The following KIF15 variants were observed in gnomAD, a reference collection of about 807,000 sequenced individuals.
The protein encoded by KIF15 is kinesin family member 15, also known as kinesin-like protein KIF15.
KIF15 carries 140 observed loss-of-function variants against 190.6 expected under a neutral mutation model. The observed-to-expected ratio is 0.73, with a 90% CI of 0.64 to 0.84. The LOEUF (loss-of-function observed/expected upper bound fraction) is 0.84. Ranked by LOEUF, KIF15 falls within the 40% of genes least tolerant of loss-of-function variation. The pLI, the probability that KIF15 is intolerant of heterozygous loss-of-function variation, is 0.00. For missense variants in KIF15, 1,372 were observed against 1,584.4 expected, an observed-to-expected ratio of 0.87 and a Z score of 2.28; for synonymous variants, 528 against 551.3, an observed-to-expected ratio of 0.96 and a Z score of 0.59.
chr3:44,823,990 T>C (rs1559567869), intron 20 of KIF15, among the ~76,000 whole-genome samples: 1 of 152,198 alleles, frequency 6.6e-6, no homozygotes, highest in East Asian at 1.9e-4. Context: ...ACGCCCACCC[T>C]GCTTCAGCTT....
At position 44,815,076 on chromosome 3, in the gene KIF15, G is replaced by A; in HGVS notation, c.2549G>A (p.Arg850Lys). 1.3e-6 allele frequency: 2 copies of A among 1,573,262 alleles called. No homozygotes were observed. The highest frequency in any genetic ancestry group is 1.7e-6 in the Non-Finnish European group (2 of 1,162,016). ...GTACAGCTTCAATTAGATAATCTCAGGTAGAGTTGTTCTTTTATGGTTTCA... is the reference window on the plus strand; with the variant it reads ...GTACAGCTTCAATTAGATAATCTCAAGTAGAGTTGTTCTTTTATGGTTTCA... ...MHVQLQLDNL[R>K]LENEKLLESK... The change falls in exon 20 of 35, where the codon AGG (arginine) becomes AAG (lysine). Residue 850 changes from arginine to lysine, a missense_variant and splice_region_variant. Coordinates refer to ENST00000326047, the MANE Select transcript of KIF15 (RefSeq NM_020242.3).
chr3:44,826,397 C>G lies in KIF15; in HGVS notation c.2723C>G (p.Ala908Gly). ...DLNNLMELLE[A>G]EKERNNKLSL... Reference sequence around the variant, plus strand: ...TAGAATTTGATGGAGCTTCTTGAGGCAGAAAAAGAACGCAATAACAAATTA... The same window carrying G: ...TAGAATTTGATGGAGCTTCTTGAGGGAGAAAAAGAACGCAATAACAAATTA... The change falls in exon 22 of 35, where the codon GCA becomes GGA. Residue 908 changes from alanine (A) to glycine (G), a missense_variant. Transcript: ENST00000326047. 1 of 1,612,444 alleles carries G rather than the reference C, an allele frequency of 6.2e-7. No homozygotes were observed. Among genetic ancestry groups the G allele is most frequent in the Non-Finnish European group, 8.5e-7 (1 of 1,179,268 alleles).
At chr3:44,821,080 TGACCCCCCCCACCTCCCTCCCGGACC>T in intron 20 of KIF15, among the ~76,000 whole-genome samples, 1 of 131,494 alleles carries the variant, frequency 7.6e-6, no homozygotes, top group Non-Finnish European at 1.6e-5. Context: ...GGTGGCGGGC[TGACCCCCCCCACCTCCCTCCCGGACC>T]GGGCGGCTGG....
intron 10 of KIF15, among the ~76,000 whole-genome samples, chr3:44,798,455 C>T (rs150816034): frequency 0.011 from 1,693 of 151,970 alleles, 23 homozygotes; most frequent in African/African-American, 0.037. Context: ...GGACTACAGG[C>T]GCCCACCACC....
intron 22 of KIF15, chr3:44,826,983 G>A (rs1697695743): frequency 2.2e-6 from 1 of 455,676 alleles, no homozygotes; most frequent in Admixed American, 2.4e-5. Flanking sequence ...CTATGAGGTC[G>A]CTTTTCTTCT....
intron 5 of KIF15, among the ~76,000 whole-genome samples, chr3:44,783,842 T>A (rs2125914415): frequency 6.6e-6 from 1 of 152,370 alleles, no homozygotes; most frequent in Middle Eastern, 3.4e-3. Flanking sequence ...TAAGGCATAC[T>A]TCACCAATAT....
At chr3:44,856,565 G>A (rs1224590137), downstream of KIF15, among the ~76,000 whole-genome samples, 1 of 152,196 alleles carries the variant, frequency 6.6e-6, no homozygotes, top group African/African-American at 2.4e-5. Context: ...ACAGGTGGAA[G>A]TTTCAGTGGG....
At chr3:44,789,606 T>C (rs1706573087) in intron 7 of KIF15, among the ~76,000 whole-genome samples, 1 of 146,980 alleles carries the variant, frequency 6.8e-6, no homozygotes, top group African/African-American at 2.5e-5. Flanking sequence ...CACTAAGGTG[T>C]TGGTTTTTCA....
chr3:44,787,947 T>C (rs532395967), intron 7 of KIF15, among the ~76,000 whole-genome samples: 1 of 152,106 alleles, frequency 6.6e-6, no homozygotes, highest in African/African-American at 2.4e-5. Context: ...CTCCGCCTCC[T>C]AGGTTCAAGC....
chr3:44,808,744 A>G (rs1204750219), intron 16 of KIF15, among the ~76,000 whole-genome samples: 1 of 152,162 alleles, frequency 6.6e-6, no homozygotes, highest in Non-Finnish European at 1.5e-5. Context: ...TATGAGCCTC[A>G]TACCAGTTAA....
At chr3:44,811,428 G>A (rs1054562071) in intron 17 of KIF15, among the ~76,000 whole-genome samples, 1 of 152,076 alleles carries the variant, frequency 6.6e-6, no homozygotes, top group Admixed American at 6.6e-5. Context: ...GGCATATCAC[G>A]TGAGATCAAG....
intron 4 of KIF15, among the ~76,000 whole-genome samples, chr3:44,780,626 G>A (rs1361431408): frequency 6.6e-6 from 1 of 152,044 alleles, no homozygotes; most frequent in East Asian, 1.9e-4. Context: ...TCCCAATTTT[G>A]GTAAATAAAA....
rs201923210 is a variant in KIF15 at position 44,775,286 on chromosome 3, G to A, written c.95G>A (p.Arg32Gln). ...NEGDAIKVFV[R>Q]IRPPAERSGS... The stretch of plus-strand genomic sequence containing the variant: ...GGTGATGCCATCAAAGTTTTTGTGC[G>A]AATTCGTCCTCCTGCAGAAAGATCT... Residue 32 changes from arginine (R) to glutamine (Q), a missense_variant, in exon 3 of 35, where the codon CGA becomes CAA. Arg to Gln is a conservative substitution (Grantham distance 43). Coordinates refer to ENST00000326047, the MANE Select transcript of KIF15 (RefSeq NM_020242.3). The A allele has an allele frequency of 2.9e-5, 46 of 1,613,476 alleles. No homozygotes were observed. The highest frequency in any genetic ancestry group is 8.9e-5 in the East Asian group (4 of 44,858).
At chr3:44,865,840 C>T (rs1323379461) in intron 6 of KIF15, among the ~76,000 whole-genome samples, 1 of 152,178 alleles carries the variant, frequency 6.6e-6, no homozygotes. Flanking sequence ...TGAGGTCACA[C>T]AGGCTAAGGC....
intron 8 of KIF15, among the ~76,000 whole-genome samples, chr3:44,795,988 A>G (rs1488276161): frequency 6.6e-6 from 1 of 151,996 alleles, no homozygotes; most frequent in Non-Finnish European, 1.5e-5. Flanking sequence ...CAGCCTCCCA[A>G]GTAGCTGAGA....
At chr3:44,784,009 CTA>C (rs1216002068) in intron 5 of KIF15, among the ~76,000 whole-genome samples, 1 of 152,106 alleles carries the variant, frequency 6.6e-6, no homozygotes, top group African/African-American at 2.4e-5. Flanking sequence ...ATTTTTCTGT[CTA>C]TGTGGAAATC....
intron 25 of KIF15, among the ~76,000 whole-genome samples, chr3:44,830,692 G>GT (rs1698024806): frequency 6.6e-6 from 1 of 152,046 alleles, no homozygotes; most frequent in Non-Finnish European, 1.5e-5. Flanking sequence ...CAAACCCTGT[G>GT]TTTTTTTCAC....
chr3:44,830,229 G>A (rs958615185), intron 25 of KIF15, among the ~76,000 whole-genome samples, 154 bp downstream of exon 25: 1 of 152,188 alleles, frequency 6.6e-6, no homozygotes, highest in Non-Finnish European at 1.5e-5. Context: ...TTGTGTGTTT[G>A]TAGGACTTGC....
Position 44,852,689 on chromosome 3 carries a change from G to A in KIF15, c.4121G>A (p.Arg1374His), listed in dbSNP as rs746764566. 3.4e-5 allele frequency: 55 copies of A among 1,595,726 alleles called. No homozygotes were observed. Among genetic ancestry groups the A allele is most frequent in the Admixed American group, 2.3e-4 (13 of 57,486 alleles). The change falls in exon 35 of 35, where the codon CGT becomes CAT. Residue 1374 changes from arginine to histidine, a missense_variant. Arg to His is a conservative substitution (Grantham distance 29, BLOSUM62 0). Transcript: ENST00000326047. ...ATTACTTAGGAGACAGAAAAGTTGC[G>A]TGCCGAAAATGTATTTTTAAAAGAA... The part of the protein sequence containing the change: ...VRLAEETEKL[R>H]AENVFLKEKK...
Sources: gnomAD v4.1 joint callset for allele counts (sites outside exome capture counted in the v4.1 genomes callset) on GRCh38, gnomAD v4.1.1 for gene constraint, MANE v1.5 for transcripts, NCBI Gene and HGNC (gene_info 2026-07-23, HGNC 2026-07-21) for gene names.